The following TTLL5 variants were observed in gnomAD, a reference collection of about 807,000 sequenced individuals.
The protein encoded by TTLL5 is tubulin tyrosine ligase like 5.
A neutral mutation model predicts 168.4 loss-of-function variants in TTLL5; 132 were observed. The observed-to-expected ratio is 0.78, with a 90% CI of 0.68 to 0.91. The LOEUF (loss-of-function observed/expected upper bound fraction) is 0.91. TTLL5 is among the 40% of genes least tolerant of loss of function. TTLL5 has a pLI of 0.00. For synonymous variants in TTLL5, 546 were observed against 558.6 expected (o/e 0.98, Z 0.32); for missense variants, 1,545 against 1,581.5 (o/e 0.98, Z 0.39).
intron 2 of TTLL5, among the ~76,000 whole-genome samples, chr14:75,666,879 G>A (rs1883300425): frequency 6.6e-6 from 1 of 152,184 alleles, no homozygotes; most frequent in Admixed American, 6.5e-5. Context: ...AAACTGATCT[G>A]CTTCGGTAAT....
intron 24 of TTLL5, among the ~76,000 whole-genome samples, chr14:75,781,780 G>C (rs1232892222): frequency 6.6e-6 from 1 of 151,864 alleles, no homozygotes. Flanking sequence ...CATGGTGAAA[G>C]CCTGTCTCTA....
intron 27 of TTLL5, among the ~76,000 whole-genome samples, chr14:75,811,962 AC>A (rs35702224): frequency 3.3e-5 from 5 of 151,894 alleles, no homozygotes; most frequent in Middle Eastern, 3.2e-3. Context: ...GGTTTCTCCT[AC>A]CCCCTTTTCA....
intron 13 of TTLL5, among the ~76,000 whole-genome samples, chr14:75,733,115 A>G (rs562828625): frequency 6.6e-6 from 1 of 152,382 alleles, no homozygotes; most frequent in South Asian, 2.1e-4. Context: ...AATCAAATAA[A>G]GACAGATTGA....
intron 29 of TTLL5, among the ~76,000 whole-genome samples, chr14:75,869,262 TTTATTC>T (rs2030812187): frequency 6.6e-6 from 1 of 152,128 alleles, no homozygotes; most frequent in African/African-American, 2.4e-5. Context: ...AAGCCAAACT[TTTATTC>T]TTATTTAATG....
At chr14:75,756,897 AT>A (rs1326718853) in intron 18 of TTLL5, among the ~76,000 whole-genome samples, 5 of 152,252 alleles carry the variant, frequency 3.3e-5, no homozygotes, top group African/African-American at 1.2e-4. Flanking sequence ...ATAGCACTCA[AT>A]TTCTGTGGTT....
chr14:75,716,451 A>T (rs1222218424), intron 9 of TTLL5, among the ~76,000 whole-genome samples: 1 of 151,756 alleles, frequency 6.6e-6, no homozygotes, highest in Non-Finnish European at 1.5e-5. Context: ...GGAATTAGGG[A>T]GTGGAGATAG....
chr14:75,924,866 A>G (rs1028066103), intron 31 of TTLL5, among the ~76,000 whole-genome samples: 1 of 151,552 alleles, frequency 6.6e-6, no homozygotes, highest in African/African-American at 2.4e-5. Context: ...GCGGCCGGGC[A>G]GAGGCGCCCC....
At position 75,928,342 on chromosome 14, in the gene TTLL5, CATATATATATAT is replaced by C. The variant is rs3034073; in HGVS notation, c.3824-26067_3824-26056del. ...CTCTGTGATGAATGAATGACAAAAA[CATATATATATAT>C]ATATATATATATATCACTGTATTTC... On this transcript the variant is annotated intron_variant, in intron 31 of 31. Coordinates refer to ENST00000298832, the MANE Select transcript of TTLL5 (RefSeq NM_015072.5). Among the ~76,000 whole-genome samples, 612 of 82,000 alleles carry C rather than the reference CATATATATATAT, an allele frequency of 7.5e-3. 36 individuals carry two copies. Among genetic ancestry groups the C allele is most frequent in the African/African-American group, 0.027 (567 of 21,242 alleles). The allele number at this position is 82,000 out of a possible 152,430, so 53.8% of individuals were successfully genotyped here.
At chr14:75,949,809 C>G (rs770522859) in intron 31 of TTLL5, among the ~76,000 whole-genome samples, 4 of 150,794 alleles carry the variant, frequency 2.7e-5, no homozygotes, top group Non-Finnish European at 5.9e-5. Flanking sequence ...GAGATCACAC[C>G]GCTGCACTCC....
chr14:75,863,926 A>ATAAAAAAT, intron 29 of TTLL5, 64 bp downstream of exon 29: 2 of 1,257,816 alleles, frequency 1.6e-6, no homozygotes, highest in Non-Finnish European at 2.1e-6. Context: ...AAAAAAAAAA[A>ATAAAAAAT]AAAAAAAAGG....
chr14:75,932,865 A>G (rs927502835), intron 31 of TTLL5, among the ~76,000 whole-genome samples: 2 of 152,188 alleles, frequency 1.3e-5, no homozygotes, highest in African/African-American at 4.8e-5. Flanking sequence ...TGCCTGTGAG[A>G]GCGTTGTTGG....
chr14:75,844,715 G>A (rs147799332), intron 28 of TTLL5, among the ~76,000 whole-genome samples: 114 of 152,288 alleles, frequency 7.5e-4, no homozygotes, highest in African/African-American at 2.6e-3. Context: ...GGTGAGACTT[G>A]GCTGTCCTCA....
chr14:75,764,501 C>T, intron 18 of TTLL5, 114 bp from the exon 19 acceptor site: 1 of 1,259,416 alleles, frequency 7.9e-7, no homozygotes, highest in Non-Finnish European at 1.1e-6. Context: ...TTTTAGAATT[C>T]ACTTGAGTTA....
intron 27 of TTLL5, among the ~76,000 whole-genome samples, chr14:75,796,957 G>C (rs1274533378): frequency 6.6e-6 from 1 of 151,974 alleles, no homozygotes; most frequent in Non-Finnish European, 1.5e-5. Context: ...TTCTAGTTCT[G>C]TGAAGAATGA....
At chr14:75,872,204 A>AT (rs1314777323) in intron 29 of TTLL5, among the ~76,000 whole-genome samples, 3 of 152,160 alleles carry the variant, frequency 2.0e-5, no homozygotes, top group Admixed American at 6.5e-5. Context: ...ACAGACAATA[A>AT]TTTTTTTTCA....
At chr14:75,772,505 A>G (rs1333921745) in intron 21 of TTLL5, among the ~76,000 whole-genome samples, 1 of 152,200 alleles carries the variant, frequency 6.6e-6, no homozygotes, top group Admixed American at 6.5e-5. Flanking sequence ...TTAGATTGCT[A>G]GAATCAAACT....
intron 21 of TTLL5, among the ~76,000 whole-genome samples, chr14:75,773,949 G>GAGAAAGAGAGAA (rs1555344551): frequency 8.6e-5 from 4 of 46,336 alleles, no homozygotes; most frequent in African/African-American, 3.2e-4. Context: ...GAGAGAGAGA[G>GAGAAAGAGAGAA]AGAGAGAAAG....
At chr14:75,730,305 T>C (rs1888450181) in intron 12 of TTLL5, among the ~76,000 whole-genome samples, 1 of 152,228 alleles carries the variant, frequency 6.6e-6, no homozygotes, top group Non-Finnish European at 1.5e-5. Flanking sequence ...TACTGAAGAT[T>C]AGATCAGCTA....
chr14:75,719,433 CTTCT>C (rs1887700788), intron 10 of TTLL5, among the ~76,000 whole-genome samples: 1 of 152,104 alleles, frequency 6.6e-6, no homozygotes, highest in African/African-American at 2.4e-5. Flanking sequence ...ATTTGTTTGC[CTTCT>C]TTCACACATT....
Sources: gnomAD v4.1 joint callset for allele counts (sites outside exome capture counted in the v4.1 genomes callset) on GRCh38, gnomAD v4.1.1 for gene constraint, MANE v1.5 for transcripts, NCBI Gene and HGNC (gene_info 2026-07-23, HGNC 2026-07-21) for gene names.